RBFOX1: variants seen among roughly 807,000 people sequenced by gnomAD.
RBFOX1 encodes the protein RNA binding protein fox-1 homolog 1.
A neutral mutation model predicts 57.7 loss-of-function variants in RBFOX1; 8 were observed. The ratio of observed to expected loss-of-function variants is 0.14; its 90% CI spans 0.08 to 0.25. RBFOX1 has a LOEUF of 0.25. Ranked by LOEUF, RBFOX1 falls within the 10% of genes least tolerant of loss-of-function variation. RBFOX1 has a pLI of 1.00. For synonymous variants in RBFOX1, 326 were observed against 222.4 expected, an observed-to-expected ratio of 1.47 and a Z score of -4.15; for missense variants, 611 against 548.5, an observed-to-expected ratio of 1.11 and a Z score of -1.14.
intron 2 of RBFOX1, among the ~76,000 whole-genome samples, chr16:5,542,935 C>G (rs1299677089): frequency 1.3e-5 from 2 of 152,170 alleles, no homozygotes; most frequent in Non-Finnish European, 2.9e-5. Context: ...ACCTGGTGCT[C>G]AGTCATGGCT....
intron 1 of RBFOX1, among the ~76,000 whole-genome samples, chr16:6,070,662 T>C (rs1384619948): frequency 6.8e-6 from 1 of 146,810 alleles, no homozygotes; most frequent in Non-Finnish European, 1.5e-5. Context: ...AAGTTTAGCT[T>C]TTCTAAAAAA....
rs991571843 is a variant in RBFOX1, at chr16:7,074,829, G to C, written c.27+22731G>C. On this transcript the variant is annotated intron_variant, in intron 4 of 15. Transcript: ENST00000550418. ...CAGATGCATTTTCTTTTGGAAAAGA[G>C]ATCTATATTTGTCTATTGCGCAACA... 2.0e-5 allele frequency among the ~76,000 whole-genome samples: 3 copies of C among 152,068 alleles called. No homozygotes were observed. In the East Asian group the frequency reaches 5.8e-4, roughly 29 times the overall value.
At chr16:6,852,528 G>C (rs572326481) in intron 3 of RBFOX1, among the ~76,000 whole-genome samples, 2 of 152,370 alleles carry the variant, frequency 1.3e-5, no homozygotes, top group East Asian at 1.9e-4. Flanking sequence ...TTGTGTCTCA[G>C]AAATTAACTT....
chr16:7,549,152 C>A (rs1029573481), intron 5 of RBFOX1, among the ~76,000 whole-genome samples: 2 of 152,234 alleles, frequency 1.3e-5, no homozygotes, highest in Non-Finnish European at 2.9e-5. Context: ...GAGAGAAGAG[C>A]TGGCATATGC....
At chr16:6,373,839 C>A (rs1015080416) in intron 2 of RBFOX1, among the ~76,000 whole-genome samples, 6 of 152,070 alleles carry the variant, frequency 3.9e-5, no homozygotes, top group African/African-American at 1.4e-4. Flanking sequence ...TTTTGTTATA[C>A]TTCTGTACTC....
chr16:6,875,378 C>T (rs1275367609), intron 3 of RBFOX1, among the ~76,000 whole-genome samples: 1 of 152,140 alleles, frequency 6.6e-6, no homozygotes, highest in Non-Finnish European at 1.5e-5. Context: ...TCCAATATGA[C>T]CTACTTCTCT....
Position 7,710,616 on chromosome 16 carries a change from G to C in RBFOX1, c.1072-7G>C. 1.2e-6 allele frequency: 2 copies of C among 1,610,902 alleles called. No individual in the cohort carries two copies. The highest frequency in any genetic ancestry group is 8.5e-7 in the Non-Finnish European group (1 of 1,179,202). ...AAAAACACACCCCTCAAATTGCTTT[G>C]TTTCAGAATGCTTTTGCACCTTTGA... On this transcript the variant is annotated splice_region_variant and splice_polypyrimidine_tract_variant and intron_variant, in intron 15 of 15. Coordinates refer to ENST00000550418, the MANE Select transcript of RBFOX1 (RefSeq NM_018723.4).
intron 1 of RBFOX1, among the ~76,000 whole-genome samples, chr16:6,084,282 C>T (rs1312116551): frequency 4.0e-5 from 6 of 151,852 alleles, no homozygotes; most frequent in African/African-American, 7.3e-5. Flanking sequence ...CTTGCTCTGT[C>T]GCCCAGGCTG....
At chr16:7,246,696 G>T (rs543642117) in intron 4 of RBFOX1, among the ~76,000 whole-genome samples, 6 of 129,208 alleles carry the variant, frequency 4.6e-5, no homozygotes, top group African/African-American at 1.5e-4. Flanking sequence ...TTTCCTCCTT[G>T]GTAAAACAGA....
intron 2 of RBFOX1, among the ~76,000 whole-genome samples, chr16:6,638,751 C>T (rs970181016): frequency 6.6e-6 from 1 of 152,186 alleles, no homozygotes. Context: ...AGAGACTTCT[C>T]TTCGCTATTG....
At chr16:6,825,727 C>T (rs188144685) in intron 3 of RBFOX1, among the ~76,000 whole-genome samples, 1 of 152,060 alleles carries the variant, frequency 6.6e-6, no homozygotes, top group African/African-American at 2.4e-5. Flanking sequence ...GGGAGGGAGG[C>T]AGGGCAGTCG....
At chr16:5,824,486 C>G (rs2055967541) in intron 3 of RBFOX1, among the ~76,000 whole-genome samples, 1 of 152,208 alleles carries the variant, frequency 6.6e-6, no homozygotes, top group Non-Finnish European at 1.5e-5. Context: ...CCCAGTTATG[C>G]TCTCTTCATG....
chr16:6,152,309 C>G (rs914040866), intron 1 of RBFOX1, among the ~76,000 whole-genome samples: 1 of 152,158 alleles, frequency 6.6e-6, no homozygotes, highest in South Asian at 2.1e-4. Flanking sequence ...ACCCCCTCAT[C>G]TTTTCTCCTG....
At chr16:7,585,017 G>T (rs1020478069) in intron 6 of RBFOX1, among the ~76,000 whole-genome samples, 1 of 152,164 alleles carries the variant, frequency 6.6e-6, no homozygotes, top group African/African-American at 2.4e-5. Flanking sequence ...AATGTTTTTG[G>T]GTTGACTGCC....
At chr16:6,864,995 CTTTT>C (rs34341448) in intron 3 of RBFOX1, among the ~76,000 whole-genome samples, 1 of 82,566 alleles carries the variant, frequency 1.2e-5, no homozygotes, top group East Asian at 3.4e-4. Flanking sequence ...TTTTCTTTTT[CTTTT>C]TTTTTTTTTT....
intron 4 of RBFOX1, among the ~76,000 whole-genome samples, chr16:7,504,763 ATATATATTTATATATATATATATT>A (rs2072518799): frequency 8.7e-5 from 1 of 11,444 alleles, no homozygotes; most frequent in African/African-American, 1.8e-4. Flanking sequence ...ATTTATATAT[ATATATATTTATATATATATATATT>A]TATATATATA....
intron 3 of RBFOX1, among the ~76,000 whole-genome samples, chr16:6,801,014 G>A (rs764065770): frequency 6.6e-6 from 1 of 152,022 alleles, no homozygotes; most frequent in Non-Finnish European, 1.5e-5. Context: ...GAAAAAGTGA[G>A]AATCATTTAA....
intron 3 of RBFOX1, among the ~76,000 whole-genome samples, chr16:5,839,320 C>T (rs918010524): frequency 1.3e-5 from 2 of 152,144 alleles, no homozygotes; most frequent in African/African-American, 2.4e-5. Context: ...TTCTGTTAGT[C>T]TCTAACTGGG....
At chr16:6,618,731 G>A (rs570475338) in intron 2 of RBFOX1, among the ~76,000 whole-genome samples, 1 of 152,300 alleles carries the variant, frequency 6.6e-6, no homozygotes, top group East Asian at 1.9e-4. Context: ...CCTCACCACA[G>A]TGTCATAAAG....
Sources: allele counts gnomAD v4.1 joint callset (sites outside exome capture counted in the v4.1 genomes callset), GRCh38; gene constraint gnomAD v4.1.1; transcripts MANE v1.5; gene names NCBI Gene and HGNC (gene_info 2026-07-23, HGNC 2026-07-21).